Variants in NEBL observed in about 807,000 individuals in gnomAD.
The protein encoded by NEBL is LIM and SH3 protein 2.
A neutral mutation model predicts 140.2 loss-of-function variants in NEBL; 122 were observed. The ratio of observed to expected loss-of-function variants is 0.87; its 90% confidence interval spans 0.75 to 1.01. NEBL has a LOEUF of 1.01. Ranked by LOEUF, NEBL falls within the 50% of genes least tolerant of loss-of-function variation. The probability of loss-of-function intolerance (pLI) is 0.00; values close to 1 mark genes in which losing one functional copy is unlikely to be tolerated. For missense variants in NEBL, 1,365 were observed against 1,231.3 expected (o/e 1.11, Z -1.62); for synonymous variants, 436 against 398.9 (o/e 1.09, Z -1.11).
At chr10:21,211,364 C>A (rs1251521201) in intron 3 of NEBL, among the ~76,000 whole-genome samples, 2 of 151,972 alleles carry the variant, frequency 1.3e-5, no homozygotes, top group Admixed American at 1.3e-4. Context: ...ACCTGTAGTC[C>A]CAGCTACTAG....
intron 3 of NEBL, among the ~76,000 whole-genome samples, chr10:21,240,928 AC>A (rs1277525836): frequency 3.3e-5 from 5 of 151,642 alleles, no homozygotes; most frequent in African/African-American, 1.2e-4. Context: ...ACACACACAC[AC>A]ACACACACAC....
intron 4 of NEBL, among the ~76,000 whole-genome samples, chr10:20,924,508 A>G (rs962886707): frequency 7.5e-6 from 1 of 132,770 alleles, no homozygotes; most frequent in Non-Finnish European, 1.6e-5. Flanking sequence ...AGTGCAATAC[A>G]GAGAGTATCT....
At chr10:21,018,810 A>G (rs1189654990) in intron 3 of NEBL, among the ~76,000 whole-genome samples, 1 of 152,152 alleles carries the variant, frequency 6.6e-6, no homozygotes, top group Non-Finnish European at 1.5e-5. Flanking sequence ...CAGGTGGATC[A>G]CAAAGTCAGG....
intron 10 of NEBL, among the ~76,000 whole-genome samples, chr10:20,851,817 A>T (rs1182300128): frequency 6.6e-6 from 1 of 152,122 alleles, no homozygotes; most frequent in Non-Finnish European, 1.5e-5. Context: ...ATGAAATGAA[A>T]ATAAGTAATT....
chr10:21,288,844 ATATAT>A lies in NEBL; in HGVS notation n.182+3981_182+3985del, dbSNP rs1296337852. ...TGTATATATATATATATATATATAT[ATATAT>A]AAAAATTTTTTTTTTTTGAGACGGA... On this transcript the variant is annotated intron_variant and non_coding_transcript_variant, in intron 1 of 8. Coordinates refer to the NEBL transcript ENST00000675702. Among the ~76,000 whole-genome samples the A allele has an allele frequency of 1.1e-4, 9 of 83,152 alleles. 1 individual carries two copies. Among genetic ancestry groups the A allele is most frequent in the African/African-American group, 4.9e-4 (9 of 18,556 alleles). The allele number at this position is 83,152 out of a possible 152,430, so 54.6% of individuals were successfully genotyped here. A position where few individuals can be genotyped will look rare whatever the true frequency, so the allele number is the denominator to read the frequency against.
intron 4 of NEBL, among the ~76,000 whole-genome samples, chr10:20,909,047 T>C (rs1848218634): frequency 6.6e-6 from 1 of 152,052 alleles, no homozygotes; most frequent in Admixed American, 6.6e-5. Flanking sequence ...TATATATTTA[T>C]GGGGTACATG....
chr10:20,925,683 CATT>C (rs2131515482), intron 4 of NEBL, among the ~76,000 whole-genome samples: 2 of 149,178 alleles, frequency 1.3e-5, no homozygotes, highest in East Asian at 3.9e-4. Flanking sequence ...AAGTTGAACT[CATT>C]ATTGGAATTC....
chr10:21,235,007 A>T (rs1842329546), intron 3 of NEBL, among the ~76,000 whole-genome samples: 1 of 152,186 alleles, frequency 6.6e-6, no homozygotes, highest in South Asian at 2.1e-4. Context: ...TCACAAAACA[A>T]AAAGTAGCCA....
At position 20,854,148 on chromosome 10, in the gene NEBL, C is replaced by A. The variant is rs148929575; in HGVS notation, c.904-1499G>T. Among the ~76,000 whole-genome samples, 85 of 152,252 alleles carry A rather than the reference C, an allele frequency of 5.6e-4. No individual in the cohort carries two copies. The East Asian group carries it at 0.016, about 28-fold the overall frequency. ...AGACCTTTAGTAGTAAATGGTAGCT[C>A]TTAAAGACTCAAGGCTACAGAGACT... is the stretch of plus-strand genomic sequence containing the variant. On this transcript the variant is annotated intron_variant, in intron 9 of 27. Transcript: ENST00000377122.
chr10:20,990,320 T>A (rs1837411100), intron 3 of NEBL, among the ~76,000 whole-genome samples: 1 of 152,200 alleles, frequency 6.6e-6, no homozygotes, highest in South Asian at 2.1e-4. Flanking sequence ...CAAATTCATA[T>A]GTTGAAGCCT....
chr10:21,075,930 A>G (rs891729790), intron 2 of NEBL, among the ~76,000 whole-genome samples: 1 of 152,196 alleles, frequency 6.6e-6, no homozygotes, highest in Admixed American at 6.5e-5. Context: ...CGTATGAAAG[A>G]TGTTCTACAT....
At chr10:20,796,037 C>T (rs192182233) in intron 26 of NEBL, among the ~76,000 whole-genome samples, 2 of 152,242 alleles carry the variant, frequency 1.3e-5, no homozygotes, top group African/African-American at 2.4e-5. Context: ...CATTTCAGCA[C>T]TTCATTGATA....
chr10:21,120,652 G>A (rs1322245333), intron 2 of NEBL, among the ~76,000 whole-genome samples: 1 of 133,528 alleles, frequency 7.5e-6, no homozygotes, highest in Admixed American at 8.2e-5. Flanking sequence ...ATTGGGGATT[G>A]GCACTCTTCA....
intron 3 of NEBL, among the ~76,000 whole-genome samples, chr10:20,963,815 A>G (rs1024988673): frequency 6.6e-6 from 1 of 152,184 alleles, no homozygotes; most frequent in Non-Finnish European, 1.5e-5. Context: ...GAAGTGTACA[A>G]TCACCTCTAA....
intron 23 of NEBL, 183 bp downstream of exon 23, chr10:20,813,756 T>A: frequency 3.4e-6 from 2 of 593,722 alleles, no homozygotes; most frequent in East Asian, 5.7e-5. Flanking sequence ...AGAAAAATCA[T>A]TTTATTAGAC....
chr10:20,937,990 C>A (rs1319999345), intron 4 of NEBL, among the ~76,000 whole-genome samples: 2 of 152,220 alleles, frequency 1.3e-5, no homozygotes, highest in Non-Finnish European at 2.9e-5. Context: ...GCCTGCCTGC[C>A]TCTGTAGACT....
At chr10:20,988,341 C>A (rs1254002390) in intron 3 of NEBL, among the ~76,000 whole-genome samples, 1 of 152,194 alleles carries the variant, frequency 6.6e-6, no homozygotes, top group Non-Finnish European at 1.5e-5. Context: ...CATTCCATAT[C>A]TGTGCCTTCA....
intron 4 of NEBL, among the ~76,000 whole-genome samples, chr10:20,947,743 T>A (rs1284267714): frequency 6.6e-6 from 1 of 151,140 alleles, no homozygotes. Context: ...AGGGTAATAG[T>A]GTAGGAAGCA....
chr10:21,289,001 C>A (rs1300762670), intron 1 of NEBL, among the ~76,000 whole-genome samples: 2 of 149,700 alleles, frequency 1.3e-5, no homozygotes, highest in East Asian at 2.0e-4. Flanking sequence ...GTGCCCACAA[C>A]CAAGCCTGGC....
Sources: gnomAD v4.1 joint callset for allele counts (sites outside exome capture counted in the v4.1 genomes callset) on GRCh38, gnomAD v4.1.1 for gene constraint, MANE v1.5 for transcripts, NCBI Gene and HGNC (gene_info 2026-07-23, HGNC 2026-07-21) for gene names.